The following VGLL3 variants were observed in gnomAD, a reference collection of about 807,000 sequenced individuals.
The protein encoded by VGLL3 is vestigial like family member 3.
Under a neutral mutation model 29.2 loss-of-function variants are expected in VGLL3, and 18 were observed. That is an observed-to-expected ratio of 0.62 (90% CI 0.43 to 0.91). The LOEUF is 0.91. Ranked by LOEUF, VGLL3 falls within the 40% of genes least tolerant of loss-of-function variation. The pLI is 0.00. For synonymous variants in VGLL3, 180 were observed against 151.8 expected (o/e 1.19, Z -1.36); for missense variants, 440 against 413.2 (o/e 1.06, Z -0.56).
chr3:86,981,502 A>G (rs1165316099), intron 1 of VGLL3, among the ~76,000 whole-genome samples: 1 of 151,792 alleles, frequency 6.6e-6, no homozygotes, highest in Non-Finnish European at 1.5e-5. Context: ...TCATATATGT[A>G]ATATATCTAT....
Position 86,945,653 on chromosome 3 carries a change from C to T in VGLL3, c.*1371G>A, listed in dbSNP as rs983238591. On this transcript the variant is annotated 3_prime_UTR_variant, in exon 4 of 4. Transcript: ENST00000398399. ...CCTGAGAGCTATATCAAGTTAAATC[C>T]TCAAATTTTTAATTTTTAGCCCAAT... 1.3e-5 allele frequency: 2 copies of T among 152,024 alleles called. No individual in the cohort carries two copies. Among genetic ancestry groups the T allele is most frequent in the African/African-American group, 4.8e-5 (2 of 41,410 alleles). The allele number at this position is 152,024 out of a possible 1,614,324, so 9.4% of individuals were successfully genotyped here. A position where few individuals can be genotyped will look rare whatever the true frequency, so the allele number is the denominator to read the frequency against.
At position 86,990,942 on chromosome 3, in the gene VGLL3, T is replaced by A; in HGVS notation, c.-199A>T. 9.3e-7 allele frequency: 1 copy of A among 1,080,354 alleles called. No individual in the cohort carries two copies. Among genetic ancestry groups the A allele is most frequent in the Non-Finnish European group, 1.1e-6 (1 of 890,720 alleles). 66.9% of individuals were successfully genotyped at this position (1,080,354 alleles called of 1,614,324 possible). A position where few individuals can be genotyped will look rare whatever the true frequency, so the allele number is the denominator to read the frequency against. On this transcript the variant is annotated 5_prime_UTR_variant, in exon 1 of 4. The change abolishes an upstream ATG in the 5' untranslated region. Coordinates refer to ENST00000398399, the MANE Select transcript of VGLL3 (RefSeq NM_016206.4). ...GGGACTGGCAATCAGCGGGGGCCCA[T>A]GCGCGGGCACCTTCATCTTCAGCCC...
chr3:86,985,997 T>C (rs1205968592), intron 1 of VGLL3, among the ~76,000 whole-genome samples: 1 of 151,428 alleles, frequency 6.6e-6, no homozygotes, highest in African/African-American at 2.4e-5. Context: ...AAATTCCCTT[T>C]GCACAGATAG....
chr3:86,966,771 GTGTATATATATATATATATA>G (rs1290411111), intron 3 of VGLL3, among the ~76,000 whole-genome samples: 61 of 69,538 alleles, frequency 8.8e-4, no homozygotes, highest in East Asian at 2.4e-3. Flanking sequence ...TAGTGTGTGT[GTGTATATATATATATATATA>G]TATATATATA....
At chr3:86,980,015 T>A (rs1005479789) in intron 1 of VGLL3, among the ~76,000 whole-genome samples, 1 of 152,158 alleles carries the variant, frequency 6.6e-6, no homozygotes, top group African/African-American at 2.4e-5. Flanking sequence ...TCAACTTCAA[T>A]GCGAATTACA....
intron 1 of VGLL3, among the ~76,000 whole-genome samples, chr3:86,980,743 C>T (rs189169071): frequency 1.4e-3 from 216 of 151,960 alleles, no homozygotes; most frequent in Non-Finnish European, 2.3e-3. Context: ...GCTGCTTCTT[C>T]GGGTGCATGT....
intron 3 of VGLL3, chr3:86,961,798 T>C (rs1704848242): frequency 2.2e-6 from 1 of 456,968 alleles, no homozygotes; most frequent in African/African-American, 2.1e-5. Flanking sequence ...AGTTGAAAAC[T>C]ATGGCTTCTA....
intron 1 of VGLL3, among the ~76,000 whole-genome samples, chr3:86,979,417 T>C (rs1250758421): frequency 6.6e-6 from 1 of 152,216 alleles, no homozygotes; most frequent in East Asian, 1.9e-4. Context: ...TTTTTAGATG[T>C]TCCGTTTACC....
chr3:86,988,649 A>C (rs1705505339), intron 1 of VGLL3, among the ~76,000 whole-genome samples: 1 of 52,874 alleles, frequency 1.9e-5, no homozygotes, highest in African/African-American at 7.6e-5. Context: ...CCAAAAAAAA[A>C]AAAAAAAAAA....
rs549927218 is a variant in VGLL3 at position 86,971,658 on chromosome 3, A to G, written c.404-2535T>C. ...ATTAACAATCGTCTCTTTGCAACAT[A>G]TGAAAAATACTATTAATGACAAGAA... On this transcript the variant is annotated intron_variant, in intron 2 of 3. Transcript: ENST00000398399. 1.5e-4 allele frequency among the ~76,000 whole-genome samples: 23 copies of G among 152,342 alleles called. 1 individual carries two copies. The East Asian group carries it at 4.2e-3, about 28-fold the overall frequency.
At chr3:86,950,010 A>G (rs1362682815) in intron 3 of VGLL3, among the ~76,000 whole-genome samples, 1 of 152,062 alleles carries the variant, frequency 6.6e-6, no homozygotes, top group Non-Finnish European at 1.5e-5. Flanking sequence ...GTCTACATTT[A>G]TTTGGGATTT....
intron 2 of VGLL3, among the ~76,000 whole-genome samples, chr3:86,976,349 A>T (rs1705211100): frequency 6.6e-6 from 1 of 152,162 alleles, no homozygotes. Context: ...GGCTTTTGTT[A>T]TCACCTTATG....
At chr3:86,959,349 T>C (rs1704791210) in intron 3 of VGLL3, among the ~76,000 whole-genome samples, 1 of 152,190 alleles carries the variant, frequency 6.6e-6, no homozygotes, top group Non-Finnish European at 1.5e-5. Context: ...TACAGATTAC[T>C]AATATTGTCA....
chr3:86,990,574 C>T (rs1026506475), intron 1 of VGLL3, 44 bp downstream of exon 1: 1 of 1,314,824 alleles, frequency 7.6e-7, no homozygotes, highest in Non-Finnish European at 9.8e-7. Flanking sequence ...ACTCTCGATG[C>T]CCTTCGCCCC....
At chr3:86,952,405 A>C (rs769596429) in intron 3 of VGLL3, among the ~76,000 whole-genome samples, 1 of 152,212 alleles carries the variant, frequency 6.6e-6, no homozygotes, top group Non-Finnish European at 1.5e-5. Context: ...TCATTTAACA[A>C]CACCACTGAT....
intron 3 of VGLL3, chr3:86,962,927 CT>C (rs1704885596): frequency 7.8e-6 from 1 of 128,162 alleles, no homozygotes; most frequent in Non-Finnish European, 1.9e-5. Flanking sequence ...TAGTGACTAT[CT>C]ACTAAAAATA....
At chr3:86,950,656 T>A (rs1704597301) in intron 3 of VGLL3, among the ~76,000 whole-genome samples, 2 of 152,328 alleles carry the variant, frequency 1.3e-5, no homozygotes, top group African/African-American at 2.4e-5. Context: ...AGGGATTTTT[T>A]AAAAATTCTC....
intron 1 of VGLL3, among the ~76,000 whole-genome samples, chr3:86,990,027 T>TA (rs1559737333): frequency 1.3e-5 from 2 of 152,118 alleles, no homozygotes; most frequent in African/African-American, 4.8e-5. Context: ...TTGCTGGAAT[T>TA]AAAAAATGAA....
chr3:86,970,199 C>T (rs1210706677), intron 2 of VGLL3, among the ~76,000 whole-genome samples: 1 of 152,082 alleles, frequency 6.6e-6, no homozygotes, highest in South Asian at 2.1e-4. Context: ...CCTACTCAAT[C>T]GTAATAACAC....
Sources: allele counts gnomAD v4.1 joint callset (sites outside exome capture counted in the v4.1 genomes callset), GRCh38; gene constraint gnomAD v4.1.1; transcripts MANE v1.5; gene names NCBI Gene and HGNC (gene_info 2026-07-23, HGNC 2026-07-21).